Variants in LHFPL3 observed in about 807,000 individuals in gnomAD.
LHFPL3 encodes LHFPL tetraspan subfamily member 3 protein.
A neutral mutation model predicts 19.3 loss-of-function variants in LHFPL3; 5 were observed. The observed-to-expected ratio is 0.26, with a 90% CI of 0.14 to 0.54. LHFPL3 has a LOEUF of 0.54. Among genes scored for constraint, LHFPL3 ranks in the 20% least tolerant of loss-of-function variants. The pLI, the probability that LHFPL3 is intolerant of heterozygous loss-of-function variation, is 0.94. For synonymous variants in LHFPL3, 133 were observed against 126.2 expected, an observed-to-expected ratio of 1.05 and a Z score of -0.36; for missense variants, 249 against 307.4, an observed-to-expected ratio of 0.81 and a Z score of 1.42.
chr7:104,594,857 G>A (rs1244232407), intron 1 of LHFPL3, among the ~76,000 whole-genome samples: 2 of 151,898 alleles, frequency 1.3e-5, no homozygotes, highest in South Asian at 2.1e-4. Context: ...CATGCATCAC[G>A]AAGTTCTCAT....
At chr7:104,716,107 G>C (rs531799469) in intron 1 of LHFPL3, among the ~76,000 whole-genome samples, 2 of 152,228 alleles carry the variant, frequency 1.3e-5, no homozygotes, top group South Asian at 4.1e-4. Context: ...CCAGCACTTT[G>C]GGAGGCCGAG....
intron 1 of LHFPL3, among the ~76,000 whole-genome samples, chr7:104,365,797 A>AAAAAAAGAAAG (rs752766165): frequency 0.12 from 15,095 of 125,794 alleles, 1,359 homozygotes; most frequent in Non-Finnish European, 0.14. Flanking sequence ...CAAAAAAAAA[A>AAAAAAAGAAAG]AAAAAAAAGA....
At chr7:104,590,075 T>C (rs1345095302) in intron 1 of LHFPL3, among the ~76,000 whole-genome samples, 3 of 152,192 alleles carry the variant, frequency 2.0e-5, no homozygotes, top group East Asian at 3.9e-4. Context: ...CCTGGATTCA[T>C]TGATTTTTTT....
intron 1 of LHFPL3, among the ~76,000 whole-genome samples, chr7:104,332,654 C>T (rs1311716810): frequency 1.3e-5 from 2 of 152,046 alleles, no homozygotes; most frequent in African/African-American, 2.4e-5. Flanking sequence ...ATTTATTGGA[C>T]CTGAAAATGA....
rs71155517 is a variant in LHFPL3, at chr7:104,670,866, G to GT, written c.446-65796dup. ...TGGCCAGACCAATGTGTTTTGTTTT[G>GT]TTTTTTTTTTTTTAAGCTTCCCTTG... On this transcript the variant is annotated intron_variant, in intron 1 of 2. Coordinates refer to ENST00000424859, the MANE Select transcript of LHFPL3 (RefSeq NM_199000.3). Among the ~76,000 whole-genome samples the GT allele has an allele frequency of 3.0e-3, 430 of 143,904 alleles. 2 individuals carry two copies. The highest frequency in any genetic ancestry group is 5.3e-3 in the South Asian group (24 of 4,488). 94.4% of individuals were successfully genotyped at this position (143,904 alleles called of 152,430 possible).
At chr7:104,362,294 C>A (rs941672135) in intron 1 of LHFPL3, among the ~76,000 whole-genome samples, 2 of 152,072 alleles carry the variant, frequency 1.3e-5, no homozygotes, top group Non-Finnish European at 2.9e-5. Flanking sequence ...CCCTCTGAGG[C>A]GCTGTGTGGA....
At chr7:104,406,480 C>A (rs1227531701) in intron 1 of LHFPL3, among the ~76,000 whole-genome samples, 1 of 152,146 alleles carries the variant, frequency 6.6e-6, no homozygotes, top group Non-Finnish European at 1.5e-5. Context: ...TCAAAACTAC[C>A]TGAAAATGAC....
In LHFPL3 at chr7:104,572,461, T is replaced by G. The variant is rs1368930499; in HGVS notation, c.446-164214T>G. ...ATTTTATGGATTCATGGACTTAATT[T>G]TATGGCTTTATGGACTTAAATCAAG... On this transcript the variant is annotated intron_variant, in intron 1 of 2. Coordinates refer to ENST00000424859, the MANE Select transcript of LHFPL3 (RefSeq NM_199000.3). Among the ~76,000 whole-genome samples, 3 of 152,208 alleles carry G rather than the reference T, an allele frequency of 2.0e-5. No individual in the cohort carries two copies. In the South Asian group the frequency reaches 6.2e-4, roughly 32 times the overall value.
chr7:104,420,417 AAAAAG>A (rs1791704323), intron 1 of LHFPL3, among the ~76,000 whole-genome samples: 1 of 152,236 alleles, frequency 6.6e-6, no homozygotes, highest in South Asian at 2.1e-4. Flanking sequence ...AGGATTTTTA[AAAAAG>A]AAAAGAGGAG....
intron 1 of LHFPL3, among the ~76,000 whole-genome samples, chr7:104,416,367 T>A (rs1403084361): frequency 6.6e-6 from 1 of 152,224 alleles, no homozygotes; most frequent in African/African-American, 2.4e-5. Context: ...ATATCTGTTG[T>A]TGAAGCCAAC....
At chr7:104,579,961 A>G (rs1186173053) in intron 1 of LHFPL3, among the ~76,000 whole-genome samples, 4 of 152,136 alleles carry the variant, frequency 2.6e-5, no homozygotes, top group Admixed American at 6.5e-5. Flanking sequence ...AAGACTTACA[A>G]ACTCAAAATT....
chr7:104,830,076 G>A (rs1197136711), intron 2 of LHFPL3, among the ~76,000 whole-genome samples: 2 of 151,954 alleles, frequency 1.3e-5, no homozygotes, highest in Non-Finnish European at 2.9e-5. Flanking sequence ...TTTCTCTGAT[G>A]GCCAGTGATG....
intron 1 of LHFPL3, among the ~76,000 whole-genome samples, chr7:104,705,020 T>C (rs1291611169): frequency 6.6e-6 from 1 of 152,210 alleles, no homozygotes; most frequent in Non-Finnish European, 1.5e-5. Context: ...CACAAATAAA[T>C]GGGCTGTGGT....
intron 2 of LHFPL3, among the ~76,000 whole-genome samples, chr7:104,874,597 C>T (rs1012340726): frequency 6.6e-6 from 1 of 151,988 alleles, no homozygotes; most frequent in African/African-American, 2.4e-5. Flanking sequence ...TTTTTAGAGA[C>T]AGGGTTTCAT....
chr7:104,770,421 G>A (rs1343296392), intron 2 of LHFPL3, among the ~76,000 whole-genome samples: 3 of 152,212 alleles, frequency 2.0e-5, no homozygotes, highest in African/African-American at 7.2e-5. Context: ...TCAATAAAGA[G>A]AAGGTAAAAG....
chr7:104,757,291 C>T (rs1435854998), intron 2 of LHFPL3, among the ~76,000 whole-genome samples: 1 of 152,036 alleles, frequency 6.6e-6, no homozygotes, highest in Non-Finnish European at 1.5e-5. Context: ...TGGACATCAG[C>T]CTTGGGACAT....
intron 1 of LHFPL3, among the ~76,000 whole-genome samples, chr7:104,499,645 C>G (rs535867297): frequency 6.6e-6 from 1 of 152,242 alleles, no homozygotes; most frequent in East Asian, 1.9e-4. Context: ...GTTTTTCCTC[C>G]CCAAAGAGAC....
intron 1 of LHFPL3, among the ~76,000 whole-genome samples, chr7:104,589,328 T>C (rs13236989): frequency 0.13 from 19,963 of 152,216 alleles, 1,500 homozygotes; most frequent in Non-Finnish European, 0.17. Context: ...TGAAGGGCTG[T>C]TGAATTTTGT....
chr7:104,594,189 A>G (rs761147588), intron 1 of LHFPL3, among the ~76,000 whole-genome samples: 13 of 152,016 alleles, frequency 8.6e-5, no homozygotes, highest in Non-Finnish European at 1.8e-4. Context: ...GTTCCTTTCC[A>G]TGTATAGTGC....
Sources: allele counts gnomAD v4.1 joint callset (sites outside exome capture counted in the v4.1 genomes callset), GRCh38; gene constraint gnomAD v4.1.1; transcripts MANE v1.5; gene names NCBI Gene and HGNC (gene_info 2026-07-23, HGNC 2026-07-21).